CSMD3: variants seen among roughly 807,000 people sequenced by gnomAD.
CSMD3 encodes the protein CUB and Sushi multiple domains 3, also known as CUB and sushi domain-containing protein 3.
Under a neutral mutation model 435.2 loss-of-function variants are expected in CSMD3, and 177 were observed. The ratio of observed to expected loss-of-function variants is 0.41; its 90% CI spans 0.36 to 0.46. The LOEUF (loss-of-function observed/expected upper bound fraction) is 0.46. Ranked by LOEUF, CSMD3 falls within the 20% of genes least tolerant of loss-of-function variation. The pLI is 0.34. For missense variants in CSMD3, 4,265 were observed against 4,504.6 expected (o/e 0.95, Z 1.52); for synonymous variants, 1,656 against 1,520.5 (o/e 1.09, Z -2.07).
chr8:113,017,905 A>G (rs1203672527), intron 6 of CSMD3, among the ~76,000 whole-genome samples: 1 of 152,044 alleles, frequency 6.6e-6, no homozygotes, highest in Non-Finnish European at 1.5e-5. Flanking sequence ...TTTGAACTCT[A>G]AAGATTTAGT....
At chr8:112,755,295 A>C (rs1180005351) in intron 13 of CSMD3, among the ~76,000 whole-genome samples, 2 of 151,244 alleles carry the variant, frequency 1.3e-5, no homozygotes, top group East Asian at 2.0e-4. Context: ...TGCGCCACAG[A>C]ACTCTAGCCT....
intron 11 of CSMD3, 117 bp from the exon 12 acceptor site, chr8:112,829,906 C>G (rs976228495): frequency 3.2e-4 from 203 of 640,860 alleles, no homozygotes; most frequent in Non-Finnish European, 7.8e-5. Flanking sequence ...CACACACACA[C>G]ACACACACAC....
chr8:112,414,028 C>T (rs1563917764), intron 32 of CSMD3, among the ~76,000 whole-genome samples: 1 of 152,150 alleles, frequency 6.6e-6, no homozygotes, highest in Non-Finnish European at 1.5e-5. Flanking sequence ...CCAGAATCCC[C>T]CTCATCCCTG....
At chr8:112,489,547 T>G (rs1192434170) in intron 31 of CSMD3, among the ~76,000 whole-genome samples, 1 of 152,212 alleles carries the variant, frequency 6.6e-6, no homozygotes, top group Non-Finnish European at 1.5e-5. Flanking sequence ...CAAATTCTCC[T>G]TATTGTGTGA....
At chr8:113,055,612 T>C (rs894685677) in intron 5 of CSMD3, among the ~76,000 whole-genome samples, 19 of 152,206 alleles carry the variant, frequency 1.2e-4, no homozygotes, top group African/African-American at 4.1e-4. Context: ...ATGATGTGAA[T>C]TGTATGTTAA....
chr8:112,787,089 T>C (rs1363897798), intron 13 of CSMD3, among the ~76,000 whole-genome samples: 1 of 152,164 alleles, frequency 6.6e-6, no homozygotes, highest in African/African-American at 2.4e-5. Flanking sequence ...CTGCATAGTA[T>C]TCCATGGTGA....
chr8:112,806,698 G>A (rs1181241131), intron 12 of CSMD3, among the ~76,000 whole-genome samples: 2 of 152,160 alleles, frequency 1.3e-5, no homozygotes, highest in Non-Finnish European at 2.9e-5. Flanking sequence ...ATTCTTGTCT[G>A]TAATGAGGCA....
At chr8:112,781,283 G>A (rs540918156) in intron 13 of CSMD3, among the ~76,000 whole-genome samples, 6 of 152,090 alleles carry the variant, frequency 3.9e-5, no homozygotes, top group East Asian at 2.0e-4. Flanking sequence ...GTGGTAGCCC[G>A]GCAGTACTTA....
chr8:112,596,823 A>G (rs1831771375), intron 22 of CSMD3, among the ~76,000 whole-genome samples: 1 of 152,152 alleles, frequency 6.6e-6, no homozygotes, highest in Non-Finnish European at 1.5e-5. Context: ...ACCAACGAGA[A>G]CAAAGACACA....
chr8:113,079,382 C>A (rs536365870), intron 5 of CSMD3, among the ~76,000 whole-genome samples: 185 of 152,074 alleles, frequency 1.2e-3, no homozygotes, highest in African/African-American at 4.2e-3. Context: ...AACTTGCTGG[C>A]AATAGTGAGA....
chr8:112,798,971 A>G (rs537347658), intron 13 of CSMD3, among the ~76,000 whole-genome samples: 2 of 151,980 alleles, frequency 1.3e-5, no homozygotes, highest in African/African-American at 4.8e-5. Flanking sequence ...ACAAATGTGC[A>G]CACAGACCCC....
chr8:112,288,832 C>A (rs1452220181), intron 57 of CSMD3, among the ~76,000 whole-genome samples: 1 of 151,936 alleles, frequency 6.6e-6, no homozygotes, highest in Non-Finnish European at 1.5e-5. Flanking sequence ...AGCAATATGT[C>A]ACTTATTAAT....
intron 63 of CSMD3, among the ~76,000 whole-genome samples, chr8:112,249,122 C>A (rs1279513632): frequency 6.6e-6 from 1 of 152,100 alleles, no homozygotes; most frequent in Non-Finnish European, 1.5e-5. Context: ...TCATCTCTAT[C>A]AATCCAGCAA....
At chr8:113,334,813 G>C (rs1441710925) in intron 1 of CSMD3, among the ~76,000 whole-genome samples, 1 of 151,920 alleles carries the variant, frequency 6.6e-6, no homozygotes, top group South Asian at 2.1e-4. Context: ...TAAGGAATCG[G>C]TGCATTTTGT....
At chr8:112,499,765 T>C (rs1054546899) in intron 30 of CSMD3, among the ~76,000 whole-genome samples, 41 of 152,206 alleles carry the variant, frequency 2.7e-4, no homozygotes, top group African/African-American at 9.2e-4. Context: ...AATGTTTGCA[T>C]AGCAGCTTAA....
intron 32 of CSMD3, among the ~76,000 whole-genome samples, chr8:112,440,178 A>C (rs1814840285): frequency 6.6e-6 from 1 of 152,202 alleles, no homozygotes; most frequent in Admixed American, 6.5e-5. Flanking sequence ...TAGTAAATGT[A>C]TCAGTTCCAA....
intron 63 of CSMD3, among the ~76,000 whole-genome samples, chr8:112,248,205 A>G (rs185379508): frequency 6.6e-6 from 1 of 152,228 alleles, no homozygotes; most frequent in East Asian, 1.9e-4. Flanking sequence ...TAAGGATTAA[A>G]TGAAATAGAA....
intron 12 of CSMD3, among the ~76,000 whole-genome samples, chr8:112,825,108 C>T (rs2132453114): frequency 6.6e-6 from 1 of 152,222 alleles, no homozygotes; most frequent in South Asian, 2.1e-4. Context: ...GCTATTGATA[C>T]CTGTGTATGA....
intron 24 of CSMD3, among the ~76,000 whole-genome samples, chr8:112,571,563 A>G (rs751056275): frequency 9.9e-5 from 15 of 151,776 alleles, no homozygotes; most frequent in Non-Finnish European, 1.9e-4. Flanking sequence ...AAACCCACAA[A>G]TATTTCAGAC....
Sources: gnomAD v4.1 joint callset for allele counts (sites outside exome capture counted in the v4.1 genomes callset) on GRCh38, gnomAD v4.1.1 for gene constraint, MANE v1.5 for transcripts, NCBI Gene and HGNC (gene_info 2026-07-23, HGNC 2026-07-21) for gene names.